The following SHTN1 variants were observed in gnomAD, a reference collection of about 807,000 sequenced individuals.
The protein encoded by SHTN1 is shootin-1.
A neutral mutation model predicts 83.1 loss-of-function variants in SHTN1; 42 were observed. That is an observed-to-expected ratio of 0.51 (90% CI 0.39 to 0.65). The LOEUF (loss-of-function observed/expected upper bound fraction) is 0.65, where lower values mean the gene tolerates loss of function less well. SHTN1 is among the 30% of genes least tolerant of loss of function. SHTN1 has a pLI of 0.00. For synonymous variants in SHTN1, 224 were observed against 247.7 expected, an observed-to-expected ratio of 0.90 and a Z score of 0.90; for missense variants, 622 against 737.8, an observed-to-expected ratio of 0.84 and a Z score of 1.82.
intron 1 of SHTN1, among the ~76,000 whole-genome samples, chr10:117,062,513 G>A (rs1340828728): frequency 1.3e-5 from 2 of 152,054 alleles, no homozygotes; most frequent in Non-Finnish European, 2.9e-5. Context: ...CACAGGTTTT[G>A]GGTCACAAAG....
At chr10:117,112,636 A>C (rs1279178209) in intron 1 of SHTN1, among the ~76,000 whole-genome samples, 1 of 152,208 alleles carries the variant, frequency 6.6e-6, no homozygotes, top group Non-Finnish European at 1.5e-5. Context: ...CTCCAGAGTT[A>C]ATGAGAAATA....
intron 1 of SHTN1, among the ~76,000 whole-genome samples, chr10:116,983,900 A>C (rs920411621): frequency 2.0e-5 from 3 of 152,154 alleles, no homozygotes; most frequent in Admixed American, 2.0e-4. Flanking sequence ...TTCAAGAATC[A>C]TGCTGGTTTT....
chr10:116,960,243 G>A lies in SHTN1; in HGVS notation c.173-13C>T, dbSNP rs1850137978. On this transcript the variant is annotated splice_polypyrimidine_tract_variant and intron_variant, in intron 3 of 16. Coordinates refer to ENST00000355371, the MANE Select transcript of SHTN1 (RefSeq NM_001127211.3). ...ACCATGTGAGAAACTAGGAATGAGG[G>A]GGAAAAAAAATCTCAGCATTCAAAG... 2 of 1,461,282 alleles carry A rather than the reference G, an allele frequency of 1.4e-6. No individual in the cohort carries two copies. The highest frequency in any genetic ancestry group is 1.9e-6 in the Non-Finnish European group (2 of 1,043,856). 90.5% of individuals were successfully genotyped at this position (1,461,282 alleles called of 1,614,324 possible). A position where few individuals can be genotyped will look rare whatever the true frequency, so the allele number is the denominator to read the frequency against.
intron 1 of SHTN1, among the ~76,000 whole-genome samples, chr10:117,083,160 GC>G (rs1438789799): frequency 6.7e-6 from 1 of 148,674 alleles, no homozygotes; most frequent in Non-Finnish European, 1.5e-5. Context: ...GCATGATTTT[GC>G]AGCGGCTGGT....
chr10:116,885,038 C>T lies in SHTN1; in HGVS notation c.*1306G>A, dbSNP rs545523136. On this transcript the variant is annotated 3_prime_UTR_variant, in exon 17 of 17. Coordinates refer to ENST00000355371, the MANE Select transcript of SHTN1 (RefSeq NM_001127211.3). ...GAAACAGTCAAGCATAACGAACTTA[C>T]AGAAAGATAATTATCTCCAAATTTA... 1 of 152,558 alleles carries T rather than the reference C, an allele frequency of 6.6e-6. No individual in the cohort carries two copies. Among genetic ancestry groups the T allele is most frequent in the Admixed American group, 6.5e-5 (1 of 15,270 alleles). The allele number at this position is 152,558 out of a possible 1,614,324, so 9.5% of individuals were successfully genotyped here. A position where few individuals can be genotyped will look rare whatever the true frequency, so the allele number is the denominator to read the frequency against.
intron 2 of SHTN1, among the ~76,000 whole-genome samples, chr10:117,047,069 T>A (rs941759193): frequency 6.6e-5 from 10 of 151,942 alleles, no homozygotes; most frequent in Non-Finnish European, 1.2e-4. Context: ...TTTCAAAAAA[T>A]ATATATATTT....
intron 16 of SHTN1, among the ~76,000 whole-genome samples, chr10:116,894,924 C>T (rs2092953579): frequency 6.6e-6 from 1 of 152,188 alleles, no homozygotes; most frequent in African/African-American, 2.4e-5. Flanking sequence ...TTAAGATCTG[C>T]TTACCTCTTT....
chr10:117,066,814 G>A (rs1301538958), intron 1 of SHTN1, among the ~76,000 whole-genome samples: 1 of 152,126 alleles, frequency 6.6e-6, no homozygotes, highest in Non-Finnish European at 1.5e-5. Flanking sequence ...CCTCATTTCT[G>A]GTACTATTCT....
chr10:116,900,751 T>C, intron 16 of SHTN1: 14 of 984,332 alleles, frequency 1.4e-5, no homozygotes, highest in Non-Finnish European at 1.7e-5. Flanking sequence ...CAAATGACTC[T>C]AGTCAAAAGA....
chr10:117,077,596 T>C (rs1853179561), intron 1 of SHTN1, among the ~76,000 whole-genome samples: 1 of 152,100 alleles, frequency 6.6e-6, no homozygotes, highest in Admixed American at 6.5e-5. Context: ...TCATTTAACA[T>C]TAGGTATATC....
intron 7 of SHTN1, 47 bp downstream of exon 7, chr10:116,948,868 AG>A: frequency 7.6e-7 from 1 of 1,319,938 alleles, no homozygotes; most frequent in Non-Finnish European, 1.0e-6. Context: ...ATATGCAAAC[AG>A]AACACACCGC....
intron 4 of SHTN1, 97 bp downstream of exon 4, chr10:116,960,039 A>G: frequency 1.5e-6 from 1 of 681,696 alleles, no homozygotes; most frequent in East Asian, 2.6e-5. Flanking sequence ...ATAATCGATT[A>G]GAGAAGTAGA....
At chr10:116,946,425 TA>T in intron 7 of SHTN1, among the ~76,000 whole-genome samples, 1 of 146,008 alleles carries the variant, frequency 6.8e-6, no homozygotes, top group Middle Eastern at 3.6e-3. Flanking sequence ...TATATAATAT[TA>T]AATGTAAATA....
rs1358658096 is a variant in SHTN1, at chr10:116,994,947, GTTA to G, written c.58+10072_58+10074del. On this transcript the variant is annotated intron_variant, in intron 1 of 16. Transcript: ENST00000355371. Reference sequence around the variant, plus strand: ...AATAACATGTAATGCTAACCTTTGAGTTATTATTTGTATGAATGTTATTAATGT... The same window carrying G: ...AATAACATGTAATGCTAACCTTTGAGTTATTTGTATGAATGTTATTAATGT... Among the ~76,000 whole-genome samples, 25 of 152,126 alleles carry G rather than the reference GTTA, an allele frequency of 1.6e-4. No homozygotes were observed. In the East Asian group the frequency reaches 4.6e-3, roughly 28 times the overall value.
At chr10:116,915,540 C>T in intron 12 of SHTN1, 56 bp from the exon 13 acceptor site, 2 of 993,826 alleles carry the variant, frequency 2.0e-6, no homozygotes, top group Non-Finnish European at 3.1e-6. Flanking sequence ...CAGCTACTTC[C>T]TATTTTTGGT....
At chr10:117,005,922 G>A (rs1387711385), upstream of SHTN1, among the ~76,000 whole-genome samples, 1 of 152,200 alleles carries the variant, frequency 6.6e-6, no homozygotes, top group Non-Finnish European at 1.5e-5. Context: ...GAATGCCGAA[G>A]GTCACGCAGC....
intron 1 of SHTN1, among the ~76,000 whole-genome samples, chr10:116,992,419 TCTAA>T (rs1379211655): frequency 1.3e-5 from 2 of 152,290 alleles, no homozygotes; most frequent in East Asian, 1.9e-4. Flanking sequence ...GCCCACTTAT[TCTAA>T]CTAACCCCAA....
chr10:116,966,908 A>G (rs74159018), intron 3 of SHTN1, among the ~76,000 whole-genome samples: 9,287 of 152,286 alleles, frequency 0.061, 903 homozygotes, highest in African/African-American at 0.2. Context: ...ATACATTTGC[A>G]AATAAGAGGT....
At chr10:116,997,278 G>A (rs111397181) in intron 1 of SHTN1, among the ~76,000 whole-genome samples, 149 of 152,320 alleles carry the variant, frequency 9.8e-4, no homozygotes, top group Middle Eastern at 3.4e-3. Context: ...TTTTCTAAAT[G>A]TATAGTTCTT....
Sources: gnomAD v4.1 joint callset for allele counts (sites outside exome capture counted in the v4.1 genomes callset) on GRCh38, gnomAD v4.1.1 for gene constraint, MANE v1.5 for transcripts, NCBI Gene and HGNC (gene_info 2026-07-23, HGNC 2026-07-21) for gene names.